Variants in NRCAM observed in about 807,000 individuals in gnomAD.
NRCAM encodes the protein neuronal cell adhesion molecule.
In NRCAM, 83 loss-of-function variants were observed where a neutral mutation model predicts 156.5. That is an observed-to-expected ratio of 0.53 (90% CI 0.44 to 0.64). NRCAM has a LOEUF of 0.64. NRCAM is among the 30% of genes least tolerant of loss of function. NRCAM has a pLI of 0.00. For missense variants in NRCAM, 1,417 were observed against 1,597.3 expected, an observed-to-expected ratio of 0.89 and a Z score of 1.92; for synonymous variants, 538 against 563.9, an observed-to-expected ratio of 0.95 and a Z score of 0.65.
chr7:108,150,722 A>G lies in NRCAM; in HGVS notation c.3678-575T>C, dbSNP rs765003245. 4 of 534,070 alleles carry G rather than the reference A, an allele frequency of 7.5e-6. No individual in the cohort carries two copies. The Admixed American group carries it at 7.8e-5, about 10-fold the overall frequency. The allele number at this position is 534,070 out of a possible 1,614,324, so 33.1% of individuals were successfully genotyped here. A position where few individuals can be genotyped will look rare whatever the true frequency, so the allele number is the denominator to read the frequency against. On this transcript the variant is annotated intron_variant, in intron 32 of 32. Coordinates refer to ENST00000379028, the MANE Select transcript of NRCAM (RefSeq NM_001037132.4). ...TTCAAGAGACCTACAAAATTCCATT[A>G]AAAGGATGCAGAAGAAACAAATGAA... is the stretch of plus-strand genomic sequence containing the variant.
intron 3 of NRCAM, among the ~76,000 whole-genome samples, chr7:108,260,934 A>G (rs1247408902): frequency 6.6e-6 from 1 of 152,148 alleles, no homozygotes; most frequent in Non-Finnish European, 1.5e-5. Context: ...TTCTAGGTAC[A>G]TTGGAAGTAT....
intron 13 of NRCAM, among the ~76,000 whole-genome samples, chr7:108,202,843 G>A (rs1216999213): frequency 5.9e-5 from 9 of 152,152 alleles, no homozygotes; most frequent in Admixed American, 5.9e-4. Context: ...TGAGAGGACA[G>A]GGGCCTTTTA....
At chr7:108,316,788 C>CA (rs35502722) in intron 2 of NRCAM, among the ~76,000 whole-genome samples, 11,125 of 124,708 alleles carry the variant, frequency 0.089, 586 homozygotes, top group African/African-American at 0.17. Flanking sequence ...GACTCCATCT[C>CA]AAAAAAAAAA....
chr7:108,437,488 T>G (rs1833648127), intron 1 of NRCAM, among the ~76,000 whole-genome samples: 1 of 152,214 alleles, frequency 6.6e-6, no homozygotes, highest in African/African-American at 2.4e-5. Flanking sequence ...ATGTTCCATT[T>G]TTCATGATAA....
In NRCAM at chr7:108,383,835, T is replaced by C. The variant is rs147056001; in HGVS notation, c.-174+15601A>G. Reference sequence around the variant, plus strand: ...TGGGGGTGTGTGCTTGGTTTTTTTCTTCTGACTCTCAAAGGAGTCTGAGAT... The same window carrying C: ...TGGGGGTGTGTGCTTGGTTTTTTTCCTCTGACTCTCAAAGGAGTCTGAGAT... On this transcript the variant is annotated intron_variant, in intron 2 of 32. Coordinates refer to ENST00000379028, the MANE Select transcript of NRCAM (RefSeq NM_001037132.4). Among the ~76,000 whole-genome samples, 610 of 152,310 alleles carry C rather than the reference T, an allele frequency of 4.0e-3. 3 individuals are homozygous for C. Among genetic ancestry groups the C allele is most frequent in the Non-Finnish European group, 6.7e-3 (459 of 68,024 alleles).
intron 26 of NRCAM, 96 bp downstream of exon 26, chr7:108,177,894 C>A (rs1271426288): frequency 1.8e-6 from 2 of 1,111,350 alleles, no homozygotes; most frequent in Non-Finnish European, 2.5e-6. Context: ...CGAAACATCA[C>A]TACGTACCCC....
At chr7:108,237,311 G>A (rs1381657909) in intron 5 of NRCAM, among the ~76,000 whole-genome samples, 3 of 152,240 alleles carry the variant, frequency 2.0e-5, no homozygotes, top group South Asian at 2.1e-4. Flanking sequence ...ACATAGTCAC[G>A]AAGGCTGAAG....
At chr7:108,319,500 T>G (rs908574338) in intron 2 of NRCAM, among the ~76,000 whole-genome samples, 1 of 152,200 alleles carries the variant, frequency 6.6e-6, no homozygotes, top group Non-Finnish European at 1.5e-5. Context: ...ACAATGGTTA[T>G]AAAGAAGTGA....
chr7:108,379,443 A>T (rs1458120520), intron 2 of NRCAM, among the ~76,000 whole-genome samples: 1 of 152,184 alleles, frequency 6.6e-6, no homozygotes, highest in Non-Finnish European at 1.5e-5. Flanking sequence ...AGAGGCAGAA[A>T]GTAGAATGGC....
At chr7:108,406,384 T>A (rs991902937) in intron 1 of NRCAM, among the ~76,000 whole-genome samples, 1 of 152,180 alleles carries the variant, frequency 6.6e-6, no homozygotes, top group Non-Finnish European at 1.5e-5. Flanking sequence ...AGCCAAGGCC[T>A]CATGTAAAGG....
At chr7:108,150,744 T>C (rs1458248873) in intron 32 of NRCAM, 1 of 533,100 alleles carries the variant, frequency 1.9e-6, no homozygotes, top group Non-Finnish European at 3.9e-6. Context: ...AAGAAACAAA[T>C]GAAAACAGCC....
chr7:108,166,755 T>G (rs1290180893), intron 30 of NRCAM, among the ~76,000 whole-genome samples, 166 bp downstream of exon 30: 1 of 152,296 alleles, frequency 6.6e-6, no homozygotes, highest in Admixed American at 6.5e-5. Flanking sequence ...TCATTTGATA[T>G]AAAGAACCAA....
intron 1 of NRCAM, among the ~76,000 whole-genome samples, chr7:108,426,212 C>G (rs2395998): frequency 0.9 from 136,752 of 152,230 alleles, 61,909 homozygotes; most frequent in East Asian, 1. Context: ...ATTTTATGAG[C>G]TGCAGCTACA....
chr7:108,378,632 AACACACACACACACACAC>A lies in NRCAM; in HGVS notation c.-174+20786_-174+20803del, dbSNP rs3077977. On this transcript the variant is annotated intron_variant, in intron 2 of 32. Transcript: ENST00000379028. The stretch of plus-strand genomic sequence containing the variant: ...GAAACAAAACAAATAAGCAGGATTC[AACACACACACACACACAC>A]ACACACACACACACACACACACACA... Among the ~76,000 whole-genome samples the A allele has an allele frequency of 2.3e-3, 269 of 115,970 alleles. 1 individual carries two copies. Among genetic ancestry groups the A allele is most frequent in the South Asian group, 0.014 (46 of 3,264 alleles). 76.1% of individuals were successfully genotyped at this position (115,970 alleles called of 152,430 possible).
At chr7:108,436,624 C>T (rs1033912197) in intron 1 of NRCAM, among the ~76,000 whole-genome samples, 3 of 151,972 alleles carry the variant, frequency 2.0e-5, no homozygotes, top group Non-Finnish European at 4.4e-5. Flanking sequence ...TTTTTCATAA[C>T]AAAATTTTAG....
intron 1 of NRCAM, among the ~76,000 whole-genome samples, chr7:108,430,763 C>T (rs1223748862): frequency 6.6e-6 from 1 of 152,060 alleles, no homozygotes; most frequent in Non-Finnish European, 1.5e-5. Context: ...TGGCAAACTT[C>T]TAATTATTTT....
chr7:108,449,057 G>A (rs1037693863), intron 1 of NRCAM, among the ~76,000 whole-genome samples: 1 of 152,184 alleles, frequency 6.6e-6, no homozygotes, highest in Non-Finnish European at 1.5e-5. Context: ...AGACACAGGG[G>A]CCTCCCCTTA....
chr7:108,442,384 AGGGAGTG>A (rs1839602478), intron 1 of NRCAM, among the ~76,000 whole-genome samples: 1 of 151,530 alleles, frequency 6.6e-6, no homozygotes, highest in African/African-American at 2.4e-5. Context: ...GAGACCAAAG[AGGGAGTG>A]GGGAGGGCTG....
chr7:108,241,628 T>TA (rs937497817), intron 3 of NRCAM, among the ~76,000 whole-genome samples: 5 of 152,036 alleles, frequency 3.3e-5, no homozygotes, highest in Admixed American at 2.0e-4. Context: ...TGCATCCTCA[T>TA]AGCCCATCAC....
Sources: allele counts gnomAD v4.1 joint callset (sites outside exome capture counted in the v4.1 genomes callset), GRCh38; gene constraint gnomAD v4.1.1; transcripts MANE v1.5; gene names NCBI Gene and HGNC (gene_info 2026-07-23, HGNC 2026-07-21).